PDE11A: variants seen among roughly 807,000 people sequenced by gnomAD.
The protein encoded by PDE11A is dual 3',5'-cyclic-AMP and -GMP phosphodiesterase 11A.
Under a neutral mutation model 100.5 loss-of-function variants are expected in PDE11A, and 100 were observed. That is an observed-to-expected ratio of 1.00 (90% CI 0.85 to 1.18). The LOEUF (loss-of-function observed/expected upper bound fraction) is 1.18. PDE11A is among the 50% of genes most tolerant of loss of function. The pLI is 0.00. For synonymous variants in PDE11A, 381 were observed against 420.8 expected (o/e 0.91, Z 1.16); for missense variants, 1,141 against 1,152.6 (o/e 0.99, Z 0.15).
intron 18 of PDE11A, among the ~76,000 whole-genome samples, chr2:177,669,282 C>T (rs936557646): frequency 6.6e-6 from 1 of 152,116 alleles, no homozygotes. Flanking sequence ...TGTGGGTGCG[C>T]AGGAAATGCT....
chr2:177,778,174 G>T (rs528900761), intron 9 of PDE11A, among the ~76,000 whole-genome samples: 2 of 152,280 alleles, frequency 1.3e-5, no homozygotes, highest in South Asian at 4.2e-4. Flanking sequence ...AAAAACAATG[G>T]GCAGAGCTAT....
At chr2:178,024,189 A>G (rs972987336) in intron 1 of PDE11A, among the ~76,000 whole-genome samples, 1 of 152,174 alleles carries the variant, frequency 6.6e-6, no homozygotes, top group African/African-American at 2.4e-5. Context: ...AGGTGGGTGA[A>G]TCACCTGAGG....
chr2:178,070,757 T>C (rs2087115770), intron 1 of PDE11A, among the ~76,000 whole-genome samples: 1 of 152,126 alleles, frequency 6.6e-6, no homozygotes. Flanking sequence ...CTGATGGCTT[T>C]GGAGTTGCTA....
chr2:177,880,851 G>GTA (rs2084320334), intron 4 of PDE11A, among the ~76,000 whole-genome samples: 1 of 152,174 alleles, frequency 6.6e-6, no homozygotes, highest in Admixed American at 6.5e-5. Context: ...GTACTGGATA[G>GTA]CACAGGGAGA....
chr2:177,665,072 T>G (rs992588342), intron 18 of PDE11A, among the ~76,000 whole-genome samples: 4 of 152,046 alleles, frequency 2.6e-5, no homozygotes, highest in Admixed American at 2.0e-4. Context: ...TGTCTTGCAA[T>G]GGAAGATGGG....
At chr2:178,089,885 C>T (rs1026387593) in intron 2 of PDE11A, among the ~76,000 whole-genome samples, 3 of 152,162 alleles carry the variant, frequency 2.0e-5, no homozygotes, top group Admixed American at 6.5e-5. Context: ...CCTGAAAAAC[C>T]TAGGCCCTTT....
At chr2:177,669,679 G>A in intron 17 of PDE11A, 112 bp from the exon 18 acceptor site, 1 of 733,556 alleles carries the variant, frequency 1.4e-6, no homozygotes, top group Non-Finnish European at 2.5e-6. Flanking sequence ...CATTTAAAAA[G>A]CTTATGAGGA....
At chr2:177,754,344 A>C (rs1452881616) in intron 10 of PDE11A, among the ~76,000 whole-genome samples, 1 of 152,216 alleles carries the variant, frequency 6.6e-6, no homozygotes, top group East Asian at 1.9e-4. Context: ...GCAGACAAAA[A>C]AAATGCAAAA....
chr2:177,811,782 A>T (rs1053534515), intron 9 of PDE11A, among the ~76,000 whole-genome samples: 8 of 152,110 alleles, frequency 5.3e-5, no homozygotes, highest in Non-Finnish European at 1.0e-4. Context: ...GTATAGTAAC[A>T]CAGGCTACAG....
At chr2:177,800,156 C>G (rs1259830374) in intron 9 of PDE11A, among the ~76,000 whole-genome samples, 1 of 148,906 alleles carries the variant, frequency 6.7e-6, no homozygotes, top group African/African-American at 2.5e-5. Context: ...TAAGAATAAT[C>G]CTAACAGTCT....
At chr2:177,998,147 C>T in intron 2 of PDE11A, 2 of 1,035,626 alleles carry the variant, frequency 1.9e-6, no homozygotes, top group East Asian at 2.4e-5. Context: ...TGCTGTCTTC[C>T]ACTTACTGTC....
intron 19 of PDE11A, among the ~76,000 whole-genome samples, chr2:177,647,002 AT>A (rs2080232453): frequency 6.6e-6 from 1 of 152,194 alleles, no homozygotes; most frequent in Non-Finnish European, 1.5e-5. Context: ...AATCATGTTC[AT>A]TGTGTAGGCA....
chr2:177,865,862 G>A (rs1293660204), intron 5 of PDE11A, among the ~76,000 whole-genome samples: 2 of 152,096 alleles, frequency 1.3e-5, no homozygotes, highest in Admixed American at 6.6e-5. Flanking sequence ...GGAAGAGAGG[G>A]GAGTGGCTGC....
Position 177,704,300 on chromosome 2 carries a change from C to T in PDE11A, c.2154-3089G>A, listed in dbSNP as rs1207395856. Among the ~76,000 whole-genome samples the T allele has an allele frequency of 2.0e-5, 3 of 152,190 alleles. No individual in the cohort carries two copies. The East Asian group carries it at 5.8e-4, about 29-fold the overall frequency. ...CACTTTTCTGCAAACAAGGTGCCATCTTAGCCCTCAGAGAATGGAGCATGG... is the reference window on the plus strand; with the variant it reads ...CACTTTTCTGCAAACAAGGTGCCATTTTAGCCCTCAGAGAATGGAGCATGG... On this transcript the variant is annotated intron_variant, in intron 13 of 19. Transcript: ENST00000286063.
At chr2:177,814,489 G>GGGGTGGGAGTTGGCTGA (rs1558951471) in intron 9 of PDE11A, among the ~76,000 whole-genome samples, 1 of 152,108 alleles carries the variant, frequency 6.6e-6, no homozygotes, top group Non-Finnish European at 1.5e-5. Flanking sequence ...CGTACTCAGT[G>GGGGTGGGAGTTGGCTGA]GGGTGGGAGT....
chr2:177,980,783 A>T (rs1182886549), intron 2 of PDE11A, among the ~76,000 whole-genome samples: 1 of 150,782 alleles, frequency 6.6e-6, no homozygotes, highest in Non-Finnish European at 1.5e-5. Flanking sequence ...ATTTCGAATT[A>T]CAAAGAGTCA....
chr2:177,726,460 C>A (rs1210785386), intron 12 of PDE11A, among the ~76,000 whole-genome samples: 1 of 152,022 alleles, frequency 6.6e-6, no homozygotes, highest in Non-Finnish European at 1.5e-5. Flanking sequence ...CTTCCCTCAG[C>A]AGCTTACTCT....
At chr2:177,729,129 C>G (rs1446735729) in intron 10 of PDE11A, among the ~76,000 whole-genome samples, 1 of 152,168 alleles carries the variant, frequency 6.6e-6, no homozygotes, top group African/African-American at 2.4e-5. Context: ...CAATCCAACT[C>G]TGGCTGCTCT....
At chr2:177,829,655 C>T (rs1181954334) in intron 6 of PDE11A, among the ~76,000 whole-genome samples, 2 of 150,568 alleles carry the variant, frequency 1.3e-5, no homozygotes, top group African/African-American at 4.9e-5. Context: ...GGTTTCACCA[C>T]GTTAGCCAGG....
Sources: allele counts gnomAD v4.1 joint callset (sites outside exome capture counted in the v4.1 genomes callset), GRCh38; gene constraint gnomAD v4.1.1; transcripts MANE v1.5; gene names NCBI Gene and HGNC (gene_info 2026-07-23, HGNC 2026-07-21).